PEPD: variants seen among roughly 807,000 people sequenced by gnomAD.
The protein encoded by PEPD is xaa-Pro dipeptidase.
A neutral mutation model predicts 60.7 loss-of-function variants in PEPD; 53 were observed. The observed-to-expected ratio is 0.87, with a 90% confidence interval of 0.70 to 1.10. PEPD has a LOEUF of 1.10. Among genes scored for constraint, PEPD ranks in the 50% least tolerant of loss-of-function variants. PEPD has a pLI of 0.00. For missense variants in PEPD, 711 were observed against 711.9 expected, an observed-to-expected ratio of 1.00 and a Z score of 0.01; for synonymous variants, 267 against 284.1, an observed-to-expected ratio of 0.94 and a Z score of 0.60.
chr19:33,388,061 C>T lies in PEPD; in HGVS notation c.1173G>A (p.Glu391=), dbSNP rs540500595. 70 of 1,551,340 alleles carry T rather than the reference C, an allele frequency of 4.5e-5. 1 individual carries two copies. In the South Asian group the frequency reaches 7.5e-4, roughly 17 times the overall value. Residue 391 remains glutamate (E), a synonymous_variant, in exon 14 of 15, where the codon GAG becomes GAA. Transcript: ENST00000244137. ...CAGTGCGCAGGCTCCGCAGGCCGGGCTCGTCGATGCGCTCCACGCCCTGTG... is the reference window on the plus strand; with the variant it reads ...CAGTGCGCAGGCTCCGCAGGCCGGGTTCGTCGATGCGCTCCACGCCCTGTG... ...GYPEGVERID[E]PGLRSLRTAR...
chr19:33,463,135 T>G (rs1174347967), intron 8 of PEPD, 94 bp from the exon 9 acceptor site: 25 of 830,364 alleles, frequency 3.0e-5, no homozygotes, highest in Non-Finnish European at 4.3e-5. Flanking sequence ...AAAGCACCTC[T>G]TCTTTAAAAA....
chr19:33,388,560 C>T, intron 13 of PEPD: 2 of 274,578 alleles, frequency 7.3e-6, no homozygotes, highest in South Asian at 4.1e-5. Context: ...TCCCAGCTCC[C>T]CTAGGCCGAG....
intron 1 of PEPD, among the ~76,000 whole-genome samples, chr19:33,519,628 G>A (rs116580901): frequency 0.037 from 5,659 of 152,268 alleles, 240 homozygotes; most frequent in African/African-American, 0.099. Context: ...ATACCAGACT[G>A]GGATGGCTCT....
intron 9 of PEPD, among the ~76,000 whole-genome samples, chr19:33,414,312 C>A (rs1490265498): frequency 1.3e-5 from 2 of 152,246 alleles, no homozygotes; most frequent in Non-Finnish European, 2.9e-5. Context: ...ACAGCCAAGT[C>A]TGGAGAGAAA....
At chr19:33,489,199 A>T (rs1295169282) in intron 6 of PEPD, among the ~76,000 whole-genome samples, 1 of 152,160 alleles carries the variant, frequency 6.6e-6, no homozygotes, top group East Asian at 1.9e-4. Context: ...CTTCCCAAGC[A>T]GGGTTTGGAG....
At chr19:33,459,240 C>T (rs980546718) in intron 9 of PEPD, among the ~76,000 whole-genome samples, 1 of 152,112 alleles carries the variant, frequency 6.6e-6, no homozygotes, top group African/African-American at 2.4e-5. Context: ...TTCTCATGAC[C>T]CCCCAGAAAC....
At chr19:33,409,312 T>G (rs750620939) in intron 11 of PEPD, among the ~76,000 whole-genome samples, 11 of 152,354 alleles carry the variant, frequency 7.2e-5, no homozygotes, top group South Asian at 2.1e-4. Flanking sequence ...GCCGTGAGAC[T>G]GGGTTCCCAT....
At chr19:33,467,692 T>C (rs1169742646) in intron 7 of PEPD, among the ~76,000 whole-genome samples, 11 of 152,214 alleles carry the variant, frequency 7.2e-5, no homozygotes, top group Admixed American at 7.2e-4. Flanking sequence ...AGAATTCGCT[T>C]TGGGGAGGGG....
chr19:33,460,090 C>T (rs1035982651), intron 9 of PEPD, among the ~76,000 whole-genome samples: 6 of 152,144 alleles, frequency 3.9e-5, no homozygotes, highest in African/African-American at 1.4e-4. Context: ...CCCGGGTAAC[C>T]AAAAACACGG....
chr19:33,507,065 T>C (rs1031947738), intron 3 of PEPD, among the ~76,000 whole-genome samples: 1 of 150,284 alleles, frequency 6.7e-6, no homozygotes, highest in Non-Finnish European at 1.5e-5. Flanking sequence ...CCCCCACACA[T>C]ACACCATGCA....
chr19:33,419,032 C>T (rs568069405), intron 9 of PEPD, among the ~76,000 whole-genome samples: 103 of 152,320 alleles, frequency 6.8e-4, no homozygotes, highest in African/African-American at 1.7e-3. Flanking sequence ...CTCTGCTGCC[C>T]GGAGCTCCTC....
intron 10 of PEPD, among the ~76,000 whole-genome samples, chr19:33,412,788 C>T (rs1432775905): frequency 1.3e-5 from 2 of 152,246 alleles, no homozygotes; most frequent in African/African-American, 4.8e-5. Flanking sequence ...CTGGCTCCAT[C>T]CTGGCCGGGC....
chr19:33,514,013 A>G (rs1242048141), intron 1 of PEPD, among the ~76,000 whole-genome samples: 1 of 145,660 alleles, frequency 6.9e-6, no homozygotes, highest in Admixed American at 7.0e-5. Flanking sequence ...CTGGCCCTCC[A>G]GGTAACATGT....
At chr19:33,406,264 G>C (rs1968621861) in intron 11 of PEPD, among the ~76,000 whole-genome samples, 1 of 152,230 alleles carries the variant, frequency 6.6e-6, no homozygotes, top group Non-Finnish European at 1.5e-5. Context: ...TCAAACTGTG[G>C]GTCATGACAT....
At chr19:33,406,739 C>T (rs1374693739) in intron 11 of PEPD, among the ~76,000 whole-genome samples, 1 of 152,192 alleles carries the variant, frequency 6.6e-6, no homozygotes, top group East Asian at 1.9e-4. Context: ...CAGGAGTAGG[C>T]TGGCCGCATC....
chr19:33,506,928 CA>C (rs1256644728), intron 3 of PEPD, among the ~76,000 whole-genome samples: 1 of 151,158 alleles, frequency 6.6e-6, no homozygotes, highest in South Asian at 2.1e-4. Flanking sequence ...ATGCCCCCCC[CA>C]CACAACATAC....
At chr19:33,505,427 C>G (rs944078659) in intron 3 of PEPD, among the ~76,000 whole-genome samples, 1 of 152,032 alleles carries the variant, frequency 6.6e-6, no homozygotes, top group Non-Finnish European at 1.5e-5. Context: ...CAGCGCTGCC[C>G]GGGAGGCTGG....
At chr19:33,496,308 G>C (rs1970602044) in intron 4 of PEPD, among the ~76,000 whole-genome samples, 1 of 152,194 alleles carries the variant, frequency 6.6e-6, no homozygotes, top group Admixed American at 6.5e-5. Flanking sequence ...GAATAATGGA[G>C]GAGGGGAGAG....
At chr19:33,489,556 G>A (rs1970457619) in intron 6 of PEPD, among the ~76,000 whole-genome samples, 2 of 152,104 alleles carry the variant, frequency 1.3e-5, no homozygotes, top group African/African-American at 2.4e-5. Flanking sequence ...TTGAATCCGG[G>A]AGATGGAGGT....
Sources: gnomAD v4.1 joint callset for allele counts (sites outside exome capture counted in the v4.1 genomes callset) on GRCh38, gnomAD v4.1.1 for gene constraint, MANE v1.5 for transcripts, NCBI Gene and HGNC (gene_info 2026-07-23, HGNC 2026-07-21) for gene names.